Variants in PPP1R21 observed in about 807,000 individuals in gnomAD.
PPP1R21 encodes protein phosphatase 1 regulatory subunit 21.
PPP1R21 carries 85 observed loss-of-function variants against 112.8 expected under a neutral mutation model. The ratio of observed to expected loss-of-function variants is 0.75; its 90% CI spans 0.63 to 0.90. The LOEUF (loss-of-function observed/expected upper bound fraction) is 0.90, where lower values mean the gene tolerates loss of function less well. PPP1R21 is among the 40% of genes least tolerant of loss of function. PPP1R21 has a pLI of 0.00. For synonymous variants in PPP1R21, 381 were observed against 322.3 expected (o/e 1.18, Z -1.95); for missense variants, 1,199 against 901.5 (o/e 1.33, Z -4.23).
chr2:48,480,463 C>A (rs1433253651), intron 13 of PPP1R21, among the ~76,000 whole-genome samples: 1 of 152,178 alleles, frequency 6.6e-6, no homozygotes, highest in Non-Finnish European at 1.5e-5. Flanking sequence ...CTTTTAAAGT[C>A]CTGTCTTGTT....
chr2:48,488,485 G>T (rs1669412912), intron 14 of PPP1R21, among the ~76,000 whole-genome samples: 1 of 151,818 alleles, frequency 6.6e-6, no homozygotes, highest in African/African-American at 2.4e-5. Flanking sequence ...TGCCGCCTCA[G>T]CCTCCCGAGT....
At chr2:48,505,531 C>A in intron 17 of PPP1R21, 33 bp from the exon 18 acceptor site, 1 of 1,503,966 alleles carries the variant, frequency 6.6e-7, no homozygotes, top group Non-Finnish European at 9.1e-7. Context: ...TGTACACATT[C>A]TGTTCTAAAA....
intron 13 of PPP1R21, among the ~76,000 whole-genome samples, chr2:48,482,150 G>C (rs1432223650): frequency 1.3e-5 from 2 of 152,146 alleles, no homozygotes; most frequent in Admixed American, 6.5e-5. Flanking sequence ...TGTAAACAGA[G>C]GGATTTATAA....
chr2:48,487,024 C>T (rs1434190433), intron 14 of PPP1R21, among the ~76,000 whole-genome samples: 5 of 152,186 alleles, frequency 3.3e-5, no homozygotes, highest in African/African-American at 4.8e-5. Context: ...TGGGCACATG[C>T]ACTGCATGCT....
intron 14 of PPP1R21, among the ~76,000 whole-genome samples, chr2:48,487,847 T>C (rs1669380962): frequency 6.6e-6 from 1 of 152,126 alleles, no homozygotes; most frequent in Non-Finnish European, 1.5e-5. Context: ...TTCATGTGGC[T>C]GTCATCAACA....
chr2:48,455,950 G>C (rs183787486), intron 3 of PPP1R21, among the ~76,000 whole-genome samples: 1 of 148,658 alleles, frequency 6.7e-6, no homozygotes, highest in African/African-American at 2.5e-5. Flanking sequence ...GGGAGGCAGA[G>C]TTTGCAGCGA....
intron 19 of PPP1R21, among the ~76,000 whole-genome samples, chr2:48,509,317 T>C (rs1233240799): frequency 1.3e-5 from 2 of 151,962 alleles, no homozygotes; most frequent in East Asian, 3.8e-4. Context: ...TTAGGATCCA[T>C]AGTGCGTGGT....
chr2:48,445,874 AG>A (rs1268088667), intron 1 of PPP1R21, among the ~76,000 whole-genome samples: 1 of 152,216 alleles, frequency 6.6e-6, no homozygotes, highest in Non-Finnish European at 1.5e-5. Flanking sequence ...AAGACTAAGT[AG>A]GATTCCCAGT....
intron 2 of PPP1R21, among the ~76,000 whole-genome samples, chr2:48,454,122 A>G (rs1667603998): frequency 1.3e-5 from 2 of 152,082 alleles, no homozygotes; most frequent in East Asian, 1.9e-4. Context: ...TTAGCCGAGT[A>G]TGGTAGTGTG....
At chr2:48,496,378 C>T (rs1445852995) in intron 16 of PPP1R21, among the ~76,000 whole-genome samples, 1 of 152,108 alleles carries the variant, frequency 6.6e-6, no homozygotes, top group Non-Finnish European at 1.5e-5. Flanking sequence ...GGCATAAGAC[C>T]CTCATTCTAG....
At chr2:48,512,066 A>G (rs536255329) in intron 21 of PPP1R21, among the ~76,000 whole-genome samples, 4 of 152,160 alleles carry the variant, frequency 2.6e-5, no homozygotes, top group Non-Finnish European at 5.9e-5. Context: ...GGGACTCACA[A>G]AGGGCTTTAG....
intron 19 of PPP1R21, among the ~76,000 whole-genome samples, chr2:48,508,359 CT>C (rs1468198421): frequency 1.3e-5 from 2 of 152,154 alleles, no homozygotes; most frequent in Non-Finnish European, 2.9e-5. Flanking sequence ...TGAGACCTGA[CT>C]TTTTGATTTT....
chr2:48,454,117 C>T (rs1430125410), intron 2 of PPP1R21, among the ~76,000 whole-genome samples: 2 of 151,998 alleles, frequency 1.3e-5, no homozygotes, highest in South Asian at 2.1e-4. Context: ...AAAAATTAGC[C>T]GAGTATGGTA....
chr2:48,461,509 T>A (rs1161095817), intron 7 of PPP1R21, among the ~76,000 whole-genome samples: 1 of 152,210 alleles, frequency 6.6e-6, no homozygotes, highest in Non-Finnish European at 1.5e-5. Flanking sequence ...AAAAACAACC[T>A]GCACATAAAT....
chr2:48,460,299 A>G, intron 6 of PPP1R21, 146 bp downstream of exon 6: 1 of 753,450 alleles, frequency 1.3e-6, no homozygotes, highest in Non-Finnish European at 2.1e-6. Flanking sequence ...CAATTCTGGG[A>G]TCTCCGGGGC....
intron 2 of PPP1R21, among the ~76,000 whole-genome samples, chr2:48,452,052 G>A (rs1667500354): frequency 6.6e-6 from 1 of 152,134 alleles, no homozygotes; most frequent in South Asian, 2.1e-4. Flanking sequence ...AAGCCAAGAT[G>A]ATTAAAAAAG....
chr2:48,507,921 A>C (rs1372512307), intron 19 of PPP1R21, among the ~76,000 whole-genome samples: 1 of 151,060 alleles, frequency 6.6e-6, no homozygotes, highest in African/African-American at 2.4e-5. Context: ...ACCCGCCATC[A>C]TGCCTGGCTA....
chr2:48,505,697 G>GT, intron 18 of PPP1R21, 101 bp downstream of exon 18: 1 of 997,976 alleles, frequency 1.0e-6, no homozygotes, highest in South Asian at 1.4e-5. Context: ...TGTTGTTGTT[G>GT]TTTTTTCCTG....
At chr2:48,496,982 G>A (rs1434382091) in intron 16 of PPP1R21, among the ~76,000 whole-genome samples, 1 of 152,190 alleles carries the variant, frequency 6.6e-6, no homozygotes, top group Non-Finnish European at 1.5e-5. Flanking sequence ...TGTATCCTTG[G>A]TAATAAACCA....
Sources: gnomAD v4.1 joint callset for allele counts (sites outside exome capture counted in the v4.1 genomes callset) on GRCh38, gnomAD v4.1.1 for gene constraint, MANE v1.5 for transcripts, NCBI Gene and HGNC (gene_info 2026-07-23, HGNC 2026-07-21) for gene names.